Variants in SLC2A9 observed in about 807,000 individuals in gnomAD.
SLC2A9 encodes the protein solute carrier family 2, facilitated glucose transporter member 9.
Under a neutral mutation model 50.6 loss-of-function variants are expected in SLC2A9, and 39 were observed. That is an observed-to-expected ratio of 0.77 (90% CI 0.60 to 1.01). The LOEUF (loss-of-function observed/expected upper bound fraction) is 1.01. Among genes scored for constraint, SLC2A9 ranks in the 50% least tolerant of loss-of-function variants. The pLI is 0.00. For missense variants in SLC2A9, 686 were observed against 677.6 expected (o/e 1.01, Z -0.14); for synonymous variants, 324 against 276.9 (o/e 1.17, Z -1.69).
At chr4:9,792,310 G>A (rs575941162) in intron 3 of SLC2A9, among the ~76,000 whole-genome samples, 34 of 150,046 alleles carry the variant, frequency 2.3e-4, no homozygotes, top group Admixed American at 1.6e-3. Context: ...CCAAGTAGCT[G>A]GGATTATAGG....
intron 10 of SLC2A9, among the ~76,000 whole-genome samples, chr4:9,846,109 G>T (rs557548053): frequency 6.6e-6 from 1 of 152,274 alleles, no homozygotes; most frequent in South Asian, 2.1e-4. Context: ...GCTCAAGGTG[G>T]CACGAGCAGT....
At chr4:9,835,666 C>A (rs981949834) in intron 10 of SLC2A9, among the ~76,000 whole-genome samples, 2 of 152,288 alleles carry the variant, frequency 1.3e-5, no homozygotes, top group Non-Finnish European at 1.5e-5. Context: ...TGCTTTCATG[C>A]GGAACCCTTG....
intron 8 of SLC2A9, among the ~76,000 whole-genome samples, chr4:9,896,770 C>T (rs1000832953): frequency 6.6e-6 from 1 of 152,162 alleles, no homozygotes; most frequent in South Asian, 2.1e-4. Context: ...ATAAGGGTTG[C>T]CATTCACATT....
At chr4:9,986,097 C>G (rs1161386621) in intron 3 of SLC2A9, among the ~76,000 whole-genome samples, 2 of 152,194 alleles carry the variant, frequency 1.3e-5, no homozygotes, top group African/African-American at 4.8e-5. Flanking sequence ...TCTTACAATT[C>G]GTGAGTCAGG....
chr4:10,024,867 A>T (rs1763701314), upstream of SLC2A9, among the ~76,000 whole-genome samples: 3 of 152,394 alleles, frequency 2.0e-5, no homozygotes, highest in Non-Finnish European at 4.4e-5. Flanking sequence ...AGAATGTTTG[A>T]AATGACTACA....
At chr4:9,777,470 G>T (rs1423172128), downstream of SLC2A9, among the ~76,000 whole-genome samples, 3 of 152,064 alleles carry the variant, frequency 2.0e-5, no homozygotes, top group Non-Finnish European at 4.4e-5. Flanking sequence ...GTATTGTCTT[G>T]CTTCCACCCC....
intron 5 of SLC2A9, among the ~76,000 whole-genome samples, chr4:9,956,586 C>A (rs1176767197): frequency 6.6e-6 from 1 of 152,176 alleles, no homozygotes; most frequent in African/African-American, 2.4e-5. Flanking sequence ...AGCTTTGTTA[C>A]CAGCGGCGTT....
intron 7 of SLC2A9, among the ~76,000 whole-genome samples, chr4:9,911,376 G>A (rs1307294131): frequency 3.3e-5 from 5 of 152,070 alleles, no homozygotes; most frequent in Admixed American, 6.5e-5. Flanking sequence ...TGATAGAGTG[G>A]GAAGGTGACT....
intron 3 of SLC2A9, among the ~76,000 whole-genome samples, chr4:9,990,538 C>G (rs755792952): frequency 8.5e-5 from 13 of 152,122 alleles, no homozygotes; most frequent in Non-Finnish European, 1.2e-4. Flanking sequence ...ATATTTAGTT[C>G]TGGTAGATAT....
At chr4:9,944,879 G>T (rs955563488) in intron 5 of SLC2A9, among the ~76,000 whole-genome samples, 6 of 152,186 alleles carry the variant, frequency 3.9e-5, no homozygotes, top group African/African-American at 1.2e-4. Flanking sequence ...TAGGGTGTGT[G>T]TTGAATGAAG....
At chr4:10,034,088 C>T (rs1288946620) in intron 1 of SLC2A9, 1 of 152,314 alleles carries the variant, frequency 6.6e-6, no homozygotes, top group Non-Finnish European at 1.5e-5. Flanking sequence ...CACAGAACGT[C>T]CCGTGCTGGA....
intron 3 of SLC2A9, chr4:9,782,064 C>T (rs1238222021): frequency 2.0e-6 from 3 of 1,493,014 alleles, no homozygotes; most frequent in East Asian, 2.4e-5. Context: ...ACCGCGTACC[C>T]GGGGCAGTTC....
At chr4:9,814,853 C>T (rs987659003) in intron 3 of SLC2A9, among the ~76,000 whole-genome samples, 3 of 151,914 alleles carry the variant, frequency 2.0e-5, no homozygotes, top group Non-Finnish European at 4.4e-5. Flanking sequence ...GAGGATTACA[C>T]GTAGGCATGT....
At chr4:10,035,844 T>C (rs1764088854) in intron 1 of SLC2A9, 1 of 152,404 alleles carries the variant, frequency 6.6e-6, no homozygotes, top group African/African-American at 2.4e-5. Context: ...CTTCTTCTCC[T>C]GCTCTTGAAG....
chr4:9,871,039 C>T (rs1733349140), intron 10 of SLC2A9, among the ~76,000 whole-genome samples: 1 of 152,130 alleles, frequency 6.6e-6, no homozygotes, highest in Non-Finnish European at 1.5e-5. Flanking sequence ...ATCTTGGCCT[C>T]CCAAAGCATT....
intron 7 of SLC2A9, among the ~76,000 whole-genome samples, chr4:9,913,420 A>G (rs1263283169): frequency 6.6e-6 from 1 of 152,122 alleles, no homozygotes; most frequent in Non-Finnish European, 1.5e-5. Context: ...GTAAACACAG[A>G]GGTGGCCGCC....
intron 10 of SLC2A9, among the ~76,000 whole-genome samples, chr4:9,848,375 G>A (rs1253623835): frequency 6.7e-6 from 1 of 148,696 alleles, no homozygotes; most frequent in Non-Finnish European, 1.5e-5. Context: ...AAAAAAAAAT[G>A]GAAAGGAGAC....
chr4:9,848,699 CTTTT>C (rs147201182), intron 10 of SLC2A9, among the ~76,000 whole-genome samples: 5 of 130,860 alleles, frequency 3.8e-5, no homozygotes, highest in South Asian at 2.4e-4. Context: ...AGTGGAAATT[CTTTT>C]TTTTTTTTTT....
At chr4:10,014,698 T>A (rs4144) in intron 2 of SLC2A9, among the ~76,000 whole-genome samples, 2 of 152,012 alleles carry the variant, frequency 1.3e-5, no homozygotes, top group East Asian at 3.9e-4. Flanking sequence ...ATGCAGCCTG[T>A]CTCACTGGTG....
Sources: gnomAD v4.1 joint callset for allele counts (sites outside exome capture counted in the v4.1 genomes callset) on GRCh38, gnomAD v4.1.1 for gene constraint, MANE v1.5 for transcripts, NCBI Gene and HGNC (gene_info 2026-07-23, HGNC 2026-07-21) for gene names.